MED10: variants seen among roughly 807,000 people sequenced by gnomAD.
MED10 encodes mediator of RNA polymerase II transcription subunit 10.
In MED10, 9 loss-of-function variants were observed where a neutral mutation model predicts 17.2. The observed-to-expected ratio is 0.52, with a 90% CI of 0.31 to 0.91. The LOEUF is 0.91. Ranked by LOEUF, MED10 falls within the 40% of genes least tolerant of loss-of-function variation. The pLI is 0.04. For synonymous variants in MED10, 66 were observed against 59.8 expected, an observed-to-expected ratio of 1.10 and a Z score of -0.48; for missense variants, 129 against 164.8, an observed-to-expected ratio of 0.78 and a Z score of 1.19.
intron 3 of MED10, among the ~76,000 whole-genome samples, 178 bp from the exon 4 acceptor site, chr5:6,372,779 A>C (rs1737913816): frequency 1.3e-5 from 2 of 152,166 alleles, no homozygotes; most frequent in African/African-American, 2.4e-5. Flanking sequence ...CATATGCAAA[A>C]GGAAGCGACA....
rs1385876764 is a variant in MED10, at chr5:6,372,437, C to A, written c.*66G>T. On this transcript the variant is annotated 3_prime_UTR_variant, in exon 4 of 4. Coordinates refer to ENST00000255764, the MANE Select transcript of MED10 (RefSeq NM_032286.3). ...CCTCAGCAGGAAGGTGGCGTCAGCA[C>A]TCGCAGTCCCAGCCTCACGCCGCAT... 18 of 1,370,284 alleles carry A rather than the reference C, an allele frequency of 1.3e-5. No homozygotes were observed. The highest frequency in any genetic ancestry group is 1.9e-5 in the Non-Finnish European group (18 of 959,786). The allele number at this position is 1,370,284 out of a possible 1,614,324, so 84.9% of individuals were successfully genotyped here.
intron 2 of MED10, among the ~76,000 whole-genome samples, chr5:6,375,840 C>T (rs1392047268): frequency 6.6e-6 from 1 of 152,216 alleles, no homozygotes; most frequent in Non-Finnish European, 1.5e-5. Context: ...TTAGGGCTCA[C>T]TGGCATACTC....
intron 3 of MED10, 72 bp downstream of exon 3, chr5:6,374,252 G>A: frequency 2.0e-6 from 2 of 982,346 alleles, no homozygotes; most frequent in Admixed American, 3.5e-5. Context: ...GGAAAAAAAT[G>A]AGTCTCTTAA....
chr5:6,377,214 T>C lies in MED10; in HGVS notation c.158A>G (p.Lys53Arg). The C allele has an allele frequency of 6.2e-7, 1 of 1,610,540 alleles. No individual in the cohort carries two copies. The highest frequency in any genetic ancestry group is 8.5e-7 in the Non-Finnish European group (1 of 1,178,356). The part of the protein sequence containing the change: ...FIVTGLQDID[K>R]CRQQLHDITV... Reference sequence around the variant, plus strand: ...AATATCATGAAGCTGCTGTCTGCACTTGTCAATATCCTGTAAGCCAGTAAC... The same window carrying C: ...AATATCATGAAGCTGCTGTCTGCACCTGTCAATATCCTGTAAGCCAGTAAC... Residue 53 changes from lysine (K) to arginine (R), a missense_variant, in exon 2 of 4, where the codon AAG becomes AGG. Around this residue, in one of 3 missense-constraint regions of MED10, gnomAD observed 100 missense variants for 121.0 expected, o/e 0.83. Transcript: ENST00000255764.
At chr5:6,378,336 C>T in intron 1 of MED10, 26 bp downstream of exon 1, 1 of 1,576,158 alleles carries the variant, frequency 6.3e-7, no homozygotes, top group Non-Finnish European at 8.6e-7. Context: ...CTGGGGAGAC[C>T]CCGGCAGCCT....
At chr5:6,378,295 G>A (rs567983395) in intron 1 of MED10, 67 bp downstream of exon 1, 16 of 1,473,552 alleles carry the variant, frequency 1.1e-5, no homozygotes, top group Non-Finnish European at 1.3e-5. Flanking sequence ...CTAGATCCCC[G>A]CTCCCCTAGC....
chr5:6,376,167 G>A (rs1027467921), intron 2 of MED10, among the ~76,000 whole-genome samples: 1 of 152,196 alleles, frequency 6.6e-6, no homozygotes, highest in Non-Finnish European at 1.5e-5. Context: ...GTCATCAGCA[G>A]GTGAACAGAA....
In MED10 at chr5:6,378,527, C is replaced by T; in HGVS notation, c.-44G>A. On this transcript the variant is annotated 5_prime_UTR_variant, in exon 1 of 4. Coordinates refer to ENST00000255764, the MANE Select transcript of MED10 (RefSeq NM_032286.3). Reference sequence around the variant, plus strand: ...ACCCACACAGCCTCAACCAGCAGCGCCGCAGGCGTGGCCCTACGCTCCCGC... The same window carrying T: ...ACCCACACAGCCTCAACCAGCAGCGTCGCAGGCGTGGCCCTACGCTCCCGC... 6.3e-7 allele frequency: 1 copy of T among 1,585,812 alleles called. No individual in the cohort carries two copies. Among genetic ancestry groups the T allele is most frequent in the South Asian group, 1.1e-5 (1 of 88,776 alleles).
intron 3 of MED10, among the ~76,000 whole-genome samples, chr5:6,373,327 G>A (rs1413545429): frequency 6.6e-6 from 1 of 152,162 alleles, no homozygotes; most frequent in Non-Finnish European, 1.5e-5. Context: ...CTGGCACCAG[G>A]CATCAGTGGG....
rs773770811 is a variant in MED10, at chr5:6,372,479, C to G, written c.*24G>C. 6 of 1,602,398 alleles carry G rather than the reference C, an allele frequency of 3.7e-6. No homozygotes were observed. Among genetic ancestry groups the G allele is most frequent in the Non-Finnish European group, 5.1e-6 (6 of 1,169,378 alleles). The stretch of plus-strand genomic sequence containing the variant: ...ACGCCGCATCGCAGTCCCAGGGGAT[C>G]TTCACACAGGGAGGGTGAGCTGGTT... On this transcript the variant is annotated 3_prime_UTR_variant, in exon 4 of 4. Transcript: ENST00000255764.
intron 2 of MED10, among the ~76,000 whole-genome samples, chr5:6,375,117 CT>C (rs942697794): frequency 7.2e-5 from 11 of 152,152 alleles, no homozygotes; most frequent in African/African-American, 2.7e-4. Flanking sequence ...AAAACTGTTA[CT>C]TAGAATTTCT....
intron 2 of MED10, among the ~76,000 whole-genome samples, chr5:6,376,509 T>C (rs1035201844): frequency 2.3e-4 from 35 of 152,216 alleles, no homozygotes; most frequent in Non-Finnish European, 4.1e-4. Flanking sequence ...AAATCAGAGA[T>C]GTGACCAAAT....
At chr5:6,376,845 C>G (rs546612658) in intron 2 of MED10, 1 of 178,880 alleles carries the variant, frequency 5.6e-6, no homozygotes, top group Non-Finnish European at 1.2e-5. Context: ...TGTGGCTGTT[C>G]TTTAGCCTAA....
At position 6,372,588 on chromosome 5, in the gene MED10, A is replaced by T. The variant is rs753793956; in HGVS notation, c.323T>A (p.Leu108Gln). 2 of 1,613,708 alleles carry T rather than the reference A, an allele frequency of 1.2e-6. No individual in the cohort carries two copies. The highest frequency in any genetic ancestry group is 1.7e-6 in the Non-Finnish European group (2 of 1,179,582). Residue 108 changes from leucine (L) to glutamine (Q), a missense_variant, in exon 4 of 4, where the codon CTG becomes CAG. By Grantham distance (113) the Leu-to-Gln change is moderately radical (BLOSUM62 -2). Around this residue, in one of 3 missense-constraint regions of MED10, gnomAD observed 100 missense variants for 121.0 expected, o/e 0.83. Coordinates refer to ENST00000255764, the MANE Select transcript of MED10 (RefSeq NM_032286.3). ...KIDTMKKFKS[L>Q]LIQELSKVFP... is the part of the protein sequence containing the mutation. ...TACTTTAGAAAGTTCTTGAATCAAC[A>T]GGCTTTTAAATTTCTACAAAGAAAA...
In MED10 at chr5:6,378,272, C is replaced by G. The variant is rs530116666; in HGVS notation, c.122+90G>C. ...GCGGGGCACGAGTAGCGGTCAGGCT[C>G]GGCTCGGGCTCCCTAGATCCCCGCT... is the stretch of plus-strand genomic sequence containing the variant. On this transcript the variant is annotated intron_variant, in intron 1 of 3. Transcript: ENST00000255764. 1.3e-5 allele frequency: 19 copies of G among 1,434,000 alleles called. No homozygotes were observed. In the East Asian group the frequency reaches 3.9e-4, roughly 29 times the overall value. The allele number at this position is 1,434,000 out of a possible 1,614,324, so 88.8% of individuals were successfully genotyped here.
Position 6,378,525 on chromosome 5 carries a change from C to G in MED10, c.-42G>C. On this transcript the variant is annotated 5_prime_UTR_variant, in exon 1 of 4. Coordinates refer to ENST00000255764, the MANE Select transcript of MED10 (RefSeq NM_032286.3). ...CGACCCACACAGCCTCAACCAGCAG[C>G]GCCGCAGGCGTGGCCCTACGCTCCC... The G allele has an allele frequency of 6.3e-7, 1 of 1,585,306 alleles. No individual in the cohort carries two copies. Among genetic ancestry groups the G allele is most frequent in the East Asian group, 2.3e-5 (1 of 43,678 alleles).
At position 6,372,330 on chromosome 5, in the gene MED10, G is replaced by A. The variant is rs1206237994; in HGVS notation, c.*173C>T. The A allele has an allele frequency of 1.5e-5, 9 of 591,214 alleles. No homozygotes were observed. Among genetic ancestry groups the A allele is most frequent in the Admixed American group, 3.1e-5 (1 of 32,070 alleles). The allele number at this position is 591,214 out of a possible 1,614,324, so 36.6% of individuals were successfully genotyped here. A position where few individuals can be genotyped will look rare whatever the true frequency, so the allele number is the denominator to read the frequency against. ...GCTGGAACAGCTGGGGCACAGCTCC[G>A]CCTCTCCTCCAGCCCCTCGGTCCCA... On this transcript the variant is annotated 3_prime_UTR_variant, in exon 4 of 4. Coordinates refer to ENST00000255764, the MANE Select transcript of MED10 (RefSeq NM_032286.3).
chr5:6,372,956 T>C (rs1265641183), intron 3 of MED10, among the ~76,000 whole-genome samples: 1 of 152,196 alleles, frequency 6.6e-6, no homozygotes, highest in South Asian at 2.1e-4. Context: ...CACTCAGCTT[T>C]ATCAAGCGAA....
chr5:6,378,044 G>A (rs1035469645), intron 1 of MED10, among the ~76,000 whole-genome samples: 1 of 152,178 alleles, frequency 6.6e-6, no homozygotes, highest in Admixed American at 6.5e-5. Context: ...GCTGGGAGGG[G>A]GTTACACATG....
Sources: allele counts gnomAD v4.1 joint callset (sites outside exome capture counted in the v4.1 genomes callset), GRCh38; gene constraint gnomAD v4.1.1; regional missense constraint gnomAD v4.1.1; transcripts MANE v1.5; gene names NCBI Gene and HGNC (gene_info 2026-07-23, HGNC 2026-07-21).